USH2A: variants seen among roughly 807,000 people sequenced by gnomAD.
USH2A encodes Usher syndrome 2A (autosomal recessive, mild).
A neutral mutation model predicts 538.9 loss-of-function variants in USH2A; 443 were observed. The ratio of observed to expected loss-of-function variants is 0.82; its 90% CI spans 0.76 to 0.89. USH2A has a LOEUF of 0.89. USH2A is among the 40% of genes least tolerant of loss of function. The pLI is 0.00. For synonymous variants in USH2A, 2,413 were observed against 2,273.5 expected (o/e 1.06, Z -1.75); for missense variants, 6,633 against 6,324.8 (o/e 1.05, Z -1.65).
intron 32 of USH2A, among the ~76,000 whole-genome samples, chr1:216,009,194 C>T (rs893198168): frequency 2.0e-5 from 3 of 152,004 alleles, no homozygotes; most frequent in Non-Finnish European, 1.5e-5. Context: ...GGGTAAGAAC[C>T]CCTGAACCCC....
Position 215,691,488 on chromosome 1 carries a change from C to T in USH2A, c.12067-11112G>A, listed in dbSNP as rs912190299. On this transcript the variant is annotated intron_variant, in intron 61 of 71. Coordinates refer to ENST00000307340, the MANE Select transcript of USH2A (RefSeq NM_206933.4). ...TTCTCTGCCTGCAACCCACTTTATGCATAGGTTTGCATGAGTAACTTCAGC... is the reference window on the plus strand; with the variant it reads ...TTCTCTGCCTGCAACCCACTTTATGTATAGGTTTGCATGAGTAACTTCAGC... 1.3e-4 allele frequency among the ~76,000 whole-genome samples: 20 copies of T among 152,164 alleles called. 1 individual carries two copies. The highest frequency in any genetic ancestry group is 2.9e-4 in the Non-Finnish European group (20 of 68,028).
chr1:215,949,152 C>T lies in USH2A; in HGVS notation c.7121-14357G>A, dbSNP rs147232067. Among the ~76,000 whole-genome samples, 1,448 of 151,822 alleles carry T rather than the reference C, an allele frequency of 9.5e-3. 28 individuals carry two copies. Among genetic ancestry groups the T allele is most frequent in the African/African-American group, 0.033 (1,386 of 41,418 alleles). On this transcript the variant is annotated intron_variant, in intron 37 of 71. Coordinates refer to ENST00000307340, the MANE Select transcript of USH2A (RefSeq NM_206933.4). Reference sequence around the variant, plus strand: ...AAATGGCATGTTTTAAAAACACTGACGTAATACCAGAGATTTTTTAAATAT... The same window carrying T: ...AAATGGCATGTTTTAAAAACACTGATGTAATACCAGAGATTTTTTAAATAT...
In USH2A at chr1:216,211,325, C is replaced by T. The variant is rs114028478; in HGVS notation, c.3158-3894G>A. ...TGTGATTGGTGTTAGAAGTTGGGGG[C>T]AGCCTTGGGGACTGACCCCTCACCC... is the stretch of plus-strand genomic sequence containing the variant. On this transcript the variant is annotated intron_variant, in intron 15 of 71. Transcript: ENST00000307340. 3.9e-3 allele frequency among the ~76,000 whole-genome samples: 601 copies of T among 152,212 alleles called. 1 individual carries two copies. The highest frequency in any genetic ancestry group is 0.014 in the African/African-American group (577 of 41,522).
At chr1:215,921,139 T>C (rs1352882798) in intron 38 of USH2A, among the ~76,000 whole-genome samples, 1 of 152,022 alleles carries the variant, frequency 6.6e-6, no homozygotes, top group Non-Finnish European at 1.5e-5. Flanking sequence ...ATAAATTAAG[T>C]CTCTTCACAA....
chr1:216,196,678 A>G lies in USH2A; in HGVS notation c.4126T>C (p.Tyr1376His), dbSNP rs374449657. ...TTCTCCCAGGAGATATTGAGAGAGT[A>G]CGAAGAGAGGGGAAAGACTGAAGGA... The part of the protein sequence containing the change: ...IPPSVFPLSS[Y>H]SLNISWEKPA... Residue 1376 changes from tyrosine (Y) to histidine (H), a missense_variant, in exon 19 of 72, where the codon TAC (tyrosine) becomes CAC (histidine). By Grantham distance (83) the Tyr-to-His change is moderately conservative (BLOSUM62 2). Coordinates refer to ENST00000307340, the MANE Select transcript of USH2A (RefSeq NM_206933.4). 31 of 1,613,372 alleles carry G rather than the reference A, an allele frequency of 1.9e-5. No individual in the cohort carries two copies. The highest frequency in any genetic ancestry group is 2.5e-5 in the Non-Finnish European group (30 of 1,179,676).
At chr1:216,175,639 C>T (rs2034363065) in intron 20 of USH2A, among the ~76,000 whole-genome samples, 157 bp from the exon 21 acceptor site, 1 of 152,048 alleles carries the variant, frequency 6.6e-6, no homozygotes. Flanking sequence ...ACTGAAAACA[C>T]AATATAGAGT....
chr1:216,190,284 A>C lies in USH2A; in HGVS notation c.4335T>G (p.Thr1445=), dbSNP rs397518016. The C allele has an allele frequency of 6.2e-7, 1 of 1,612,660 alleles. No individual in the cohort carries two copies. Among genetic ancestry groups the C allele is most frequent in the Admixed American group, 1.7e-5 (1 of 59,842 alleles). Residue 1445 remains threonine (T), a synonymous_variant, in exon 20 of 72, where the codon ACT becomes ACG. Transcript: ENST00000307340. ...KPYRIYEFTI[T]LCNSVGCVTS... ...TCACACAACCAACTGAATTGCAGAGAGTAATAGTAAACTCATATATCCTAT... is the reference window on the plus strand; with the variant it reads ...TCACACAACCAACTGAATTGCAGAGCGTAATAGTAAACTCATATATCCTAT...
At chr1:215,992,322 A>T (rs1668020740) in intron 35 of USH2A, among the ~76,000 whole-genome samples, 1 of 152,168 alleles carries the variant, frequency 6.6e-6, no homozygotes, top group South Asian at 2.1e-4. Flanking sequence ...TATGAACCTT[A>T]AAGATATTTC....
chr1:215,737,455 G>A (rs1485161089), intron 60 of USH2A, among the ~76,000 whole-genome samples: 1 of 151,860 alleles, frequency 6.6e-6, no homozygotes, highest in Admixed American at 6.5e-5. Flanking sequence ...ACTTGATGAA[G>A]TGTTCCATGA....
intron 60 of USH2A, among the ~76,000 whole-genome samples, chr1:215,737,220 T>A (rs1022135499): frequency 6.6e-6 from 1 of 151,876 alleles, no homozygotes. Context: ...AATTCTTTCA[T>A]GAAGAAGAAA....
rs1363689100 is a variant in USH2A at position 216,207,338 on chromosome 1, C to T, written c.3251G>A (p.Trp1084Ter). The T allele has an allele frequency of 1.2e-6, 2 of 1,613,954 alleles. No individual in the cohort carries two copies. The highest frequency in any genetic ancestry group is 1.7e-4 in the Middle Eastern group (1 of 6,058). The change falls in exon 16 of 72, where the codon TGG becomes TAG. Residue 1084 changes from tryptophan to a stop codon, truncating the protein, a stop_gained. Transcript: ENST00000307340. LOFTEE classifies it high-confidence loss of function. Reference protein sequence around the residue: ...WSPPDSPNAHWLTYSLLRDGF... With the variant: ...WSPPDSPNAH ...ATCCCTGAGTAAACTGTAAGTAAGC[C>T]AGTGGGCATTTGGAGAATCAGGTGG...
chr1:215,749,071 A>G (rs1230018278), intron 58 of USH2A, among the ~76,000 whole-genome samples: 5 of 152,146 alleles, frequency 3.3e-5, no homozygotes, highest in African/African-American at 9.7e-5. Context: ...TTTATTTTTT[A>G]TGTGTACTTG....
chr1:216,358,226 G>C (rs1463901920), intron 4 of USH2A, among the ~76,000 whole-genome samples: 3 of 152,092 alleles, frequency 2.0e-5, no homozygotes, highest in African/African-American at 7.2e-5. Context: ...TACTTTCTGG[G>C]TGCAGAAACA....
intron 3 of USH2A, among the ~76,000 whole-genome samples, chr1:216,383,591 T>A (rs1279705550): frequency 6.6e-6 from 1 of 152,246 alleles, no homozygotes; most frequent in African/African-American, 2.4e-5. Flanking sequence ...AAAGGTGTGA[T>A]AACTCCCTTA....
chr1:215,995,952 C>T (rs1285300482), intron 34 of USH2A, among the ~76,000 whole-genome samples: 1 of 152,020 alleles, frequency 6.6e-6, no homozygotes, highest in African/African-American at 2.4e-5. Context: ...TGCTGTATTG[C>T]CCAGGCTGGA....
At chr1:216,286,723 C>CTAAATAAA (rs145969783) in intron 11 of USH2A, among the ~76,000 whole-genome samples, 72 of 151,118 alleles carry the variant, frequency 4.8e-4, no homozygotes, top group African/African-American at 1.3e-3. Context: ...GACTCTGTCT[C>CTAAATAAA]TAAATAAATA....
In USH2A at chr1:215,790,080, A is replaced by G; in HGVS notation, c.10161T>C (p.Ile3387=). 4.3e-6 allele frequency: 7 copies of G among 1,613,502 alleles called. No homozygotes were observed. Among genetic ancestry groups the G allele is most frequent in the Non-Finnish European group, 5.9e-6 (7 of 1,179,934 alleles). The stretch of plus-strand genomic sequence containing the variant: ...TTACCTTCATCATCATTCCAGTTGA[A>G]ATCTTGTCAGAGCAAACATATTTCA... ...NPLKYVCSDK[I]STGMMMKETK... is the part of the protein sequence containing the mutation. The change falls in exon 51 of 72, where the codon ATT becomes ATC. Residue 3387 remains isoleucine (I), a synonymous_variant. Coordinates refer to ENST00000307340, the MANE Select transcript of USH2A (RefSeq NM_206933.4).
At chr1:216,381,958 A>T (rs903334946) in intron 3 of USH2A, among the ~76,000 whole-genome samples, 4 of 152,192 alleles carry the variant, frequency 2.6e-5, no homozygotes, top group African/African-American at 9.7e-5. Context: ...AAATTCACAT[A>T]AAAGCAGACC....
chr1:216,109,786 C>T (rs1357024391), intron 21 of USH2A, among the ~76,000 whole-genome samples: 2 of 152,084 alleles, frequency 1.3e-5, no homozygotes, highest in African/African-American at 2.4e-5. Context: ...CTTTTAAACT[C>T]CTATTTCTTA....
Sources: allele counts gnomAD v4.1 joint callset (sites outside exome capture counted in the v4.1 genomes callset), GRCh38; gene constraint gnomAD v4.1.1; transcripts MANE v1.5; gene names NCBI Gene and HGNC (gene_info 2026-07-23, HGNC 2026-07-21).